Variants in SCAI observed in about 807,000 individuals in gnomAD.
SCAI encodes the protein suppressor of cancer cell invasion.
In SCAI, 24 loss-of-function variants were observed where a neutral mutation model predicts 92.2. The ratio of observed to expected loss-of-function variants is 0.26; its 90% CI spans 0.19 to 0.37. The LOEUF (loss-of-function observed/expected upper bound fraction) is 0.37, where lower values mean the gene tolerates loss of function less well. SCAI is among the 10% of genes least tolerant of loss of function. The pLI is 1.00. For missense variants in SCAI, 450 were observed against 736.2 expected (o/e 0.61, Z 4.50); for synonymous variants, 261 against 258.6 (o/e 1.01, Z -0.09).
intron 2 of SCAI, among the ~76,000 whole-genome samples, chr9:125,122,588 CAAAAAAAAAAAAA>C (rs34757267): frequency 1.7e-5 from 1 of 59,956 alleles, no homozygotes; most frequent in Non-Finnish European, 3.6e-5. Flanking sequence ...GACTCCATCT[CAAAAAAAAAAAAA>C]AAAAAAAAAA....
chr9:125,068,354 G>A (rs747467622), intron 2 of SCAI, among the ~76,000 whole-genome samples: 1 of 151,930 alleles, frequency 6.6e-6, no homozygotes, highest in Non-Finnish European at 1.5e-5. Flanking sequence ...TAAAAAATTA[G>A]CCAGGCATGA....
intron 14 of SCAI, among the ~76,000 whole-genome samples, chr9:124,983,828 C>T (rs888604026): frequency 6.6e-6 from 1 of 152,252 alleles, no homozygotes; most frequent in African/African-American, 2.4e-5. Flanking sequence ...TCCAACTTGG[C>T]TACCTACTAT....
intron 2 of SCAI, among the ~76,000 whole-genome samples, chr9:125,119,225 G>A (rs917854752): frequency 6.6e-6 from 1 of 152,116 alleles, no homozygotes; most frequent in African/African-American, 2.4e-5. Flanking sequence ...AAGTCTCAAA[G>A]CAAACCCATG....
At chr9:124,995,873 T>C (rs1832227825) in intron 13 of SCAI, among the ~76,000 whole-genome samples, 1 of 152,120 alleles carries the variant, frequency 6.6e-6, no homozygotes, top group African/African-American at 2.4e-5. Flanking sequence ...GAAGAGCTAC[T>C]GAACCCAAAG....
chr9:125,022,465 G>A (rs1385602414), intron 6 of SCAI, among the ~76,000 whole-genome samples: 1 of 152,182 alleles, frequency 6.6e-6, no homozygotes, highest in Non-Finnish European at 1.5e-5. Flanking sequence ...AGGCTGAAGT[G>A]CAGTGGCACC....
At position 125,143,524 on chromosome 9, in the gene SCAI, G is replaced by A. The variant is rs942294177; in HGVS notation, c.-87C>T. ...GGCGGCGGAGGCTGGAGTAGGCGGAGAGGCGGGAGGAGGGCCTCGCGCCTC... is the reference window on the plus strand; with the variant it reads ...GGCGGCGGAGGCTGGAGTAGGCGGAAAGGCGGGAGGAGGGCCTCGCGCCTC... On this transcript the variant is annotated 5_prime_UTR_variant, in exon 1 of 18. Coordinates refer to ENST00000336505, the MANE Select transcript of SCAI (RefSeq NM_001144877.3). 2.6e-6 allele frequency: 3 copies of A among 1,139,418 alleles called. No individual in the cohort carries two copies. The highest frequency in any genetic ancestry group is 3.4e-6 in the Non-Finnish European group (3 of 884,024). 70.6% of individuals were successfully genotyped at this position (1,139,418 alleles called of 1,614,324 possible).
chr9:125,104,927 C>T (rs559327634), intron 2 of SCAI, among the ~76,000 whole-genome samples: 86 of 148,214 alleles, frequency 5.8e-4, no homozygotes, highest in Admixed American at 7.4e-4. Flanking sequence ...CACTGCCCTC[C>T]AGCCTGGGTA....
intron 2 of SCAI, among the ~76,000 whole-genome samples, chr9:125,070,872 C>A (rs1491004228): frequency 6.6e-6 from 1 of 152,142 alleles, no homozygotes; most frequent in Non-Finnish European, 1.5e-5. Flanking sequence ...TGTGTCCCTA[C>A]CCAAATCGCA....
intron 3 of SCAI, among the ~76,000 whole-genome samples, chr9:125,030,856 G>A (rs75084690): frequency 0.012 from 1,868 of 152,244 alleles, 94 homozygotes; most frequent in Admixed American, 0.083. Flanking sequence ...AGCTGCAAGC[G>A]GAGTTGAAAA....
chr9:125,022,390 C>T (rs141488572), intron 6 of SCAI, among the ~76,000 whole-genome samples: 2 of 152,210 alleles, frequency 1.3e-5, no homozygotes, highest in East Asian at 3.9e-4. Flanking sequence ...CATTATCTTT[C>T]TCTGTCTACC....
intron 2 of SCAI, among the ~76,000 whole-genome samples, chr9:125,133,753 A>G (rs965591193): frequency 6.6e-6 from 1 of 152,176 alleles, no homozygotes; most frequent in Non-Finnish European, 1.5e-5. Flanking sequence ...CAAAAAAAAA[A>G]GAAAGAATCA....
Position 125,025,479 on chromosome 9 carries a change from T to C in SCAI, c.512+1333A>G, listed in dbSNP as rs551698357. ...GGTGTTTTGCTATTACTTAAAATAGTTCTCTGCTTATATGTATTTTTAATG... is the reference window on the plus strand; with the variant it reads ...GGTGTTTTGCTATTACTTAAAATAGCTCTCTGCTTATATGTATTTTTAATG... On this transcript the variant is annotated intron_variant, in intron 6 of 17. Coordinates refer to ENST00000336505, the MANE Select transcript of SCAI (RefSeq NM_001144877.3). Among the ~76,000 whole-genome samples, 3 of 152,328 alleles carry C rather than the reference T, an allele frequency of 2.0e-5. No individual in the cohort carries two copies. In the South Asian group the frequency reaches 6.2e-4, roughly 32 times the overall value.
Position 124,984,842 on chromosome 9 carries a change from G to C in SCAI, c.1327-8656C>G, listed in dbSNP as rs1195847307. Among the ~76,000 whole-genome samples, 3 of 152,280 alleles carry C rather than the reference G, an allele frequency of 2.0e-5. No individual in the cohort carries two copies. The East Asian group carries it at 5.8e-4, about 29-fold the overall frequency. On this transcript the variant is annotated intron_variant, in intron 14 of 17. Transcript: ENST00000336505. The stretch of plus-strand genomic sequence containing the variant: ...GCCATAAAATCAGCTAAGAACATCA[G>C]GAAGTCAGCTGTAGGTGGAAAAGAA...
intron 2 of SCAI, among the ~76,000 whole-genome samples, chr9:125,136,618 G>A (rs895568973): frequency 6.6e-6 from 1 of 151,326 alleles, no homozygotes. Context: ...CTGCCACCAC[G>A]CCCGGCTAAT....
At position 125,055,972 on chromosome 9, in the gene SCAI, C is replaced by T; in HGVS notation, c.134G>A (p.Gly45Glu). 1 of 1,610,164 alleles carries T rather than the reference C, an allele frequency of 6.2e-7. No individual in the cohort carries two copies. The highest frequency in any genetic ancestry group is 2.2e-5 in the East Asian group (1 of 44,790). Residue 45 changes from glycine (G) to glutamate (E), a missense_variant, in exon 3 of 18, where the codon GGA becomes GAA. By Grantham distance (98) the Gly-to-Glu change is moderately conservative (BLOSUM62 -2). Coordinates refer to ENST00000336505, the MANE Select transcript of SCAI (RefSeq NM_001144877.3). ...CTGTGGGATATCATCTTCAGCACCT[C>T]CAGAGGACATGATTTCTTTAAGAGC... ...EFALKEIMSS[G>E]GAEDDIPQGE...
intron 9 of SCAI, among the ~76,000 whole-genome samples, chr9:125,005,813 C>T (rs1832494224): frequency 6.6e-6 from 1 of 152,110 alleles, no homozygotes; most frequent in East Asian, 1.9e-4. Context: ...AAGATATGGC[C>T]TCAGAGGAGA....
chr9:124,971,700 G>C lies in SCAI; in HGVS notation c.1544C>G (p.Ala515Gly). Residue 515 changes from alanine to glycine, a missense_variant, in exon 16 of 18, where the codon GCC becomes GGC. Around this residue, in one of 3 missense-constraint regions of SCAI, gnomAD observed 360 missense variants for 601.8 expected, o/e 0.60. Coordinates refer to ENST00000336505, the MANE Select transcript of SCAI (RefSeq NM_001144877.3). Reference protein sequence around the residue: ...EYLRKINRDIAQLLTHSRSID... With the variant: ...EYLRKINRDIGQLLTHSRSID... ...TGAACGTGAATGAGTCAGTAGCTGG[G>C]CAATATCACGGTTGATTTTTCGAAG... 6.2e-7 allele frequency: 1 copy of C among 1,609,566 alleles called. No individual in the cohort carries two copies. Among genetic ancestry groups the C allele is most frequent in the Non-Finnish European group, 8.5e-7 (1 of 1,178,602 alleles).
chr9:125,083,334 A>G (rs1453432913), intron 2 of SCAI, among the ~76,000 whole-genome samples: 3 of 152,004 alleles, frequency 2.0e-5, no homozygotes, highest in Non-Finnish European at 4.4e-5. Flanking sequence ...CCTGGTCAAC[A>G]TGGTGAAACC....
chr9:125,017,650 T>G (rs535291074), intron 9 of SCAI, among the ~76,000 whole-genome samples: 1 of 152,252 alleles, frequency 6.6e-6, no homozygotes, highest in South Asian at 2.1e-4. Flanking sequence ...ACATTAAATC[T>G]CATCATCATG....
Sources: allele counts gnomAD v4.1 joint callset (sites outside exome capture counted in the v4.1 genomes callset), GRCh38; gene constraint gnomAD v4.1.1; regional missense constraint gnomAD v4.1.1; transcripts MANE v1.5; gene names NCBI Gene and HGNC (gene_info 2026-07-23, HGNC 2026-07-21).